The following FAM118B variants were observed in gnomAD, a reference collection of about 807,000 sequenced individuals.
FAM118B encodes the protein SIR2 antiphage like 1, also known as protein FAM118B.
A neutral mutation model predicts 38.5 loss-of-function variants in FAM118B; 24 were observed. That is an observed-to-expected ratio of 0.62 (90% CI 0.45 to 0.88). The LOEUF (loss-of-function observed/expected upper bound fraction) is 0.88. FAM118B is among the 40% of genes least tolerant of loss of function. The probability of loss-of-function intolerance (pLI) is 0.00; values close to 1 mark genes in which losing one functional copy is unlikely to be tolerated. For missense variants in FAM118B, 334 were observed against 420.0 expected (o/e 0.80, Z 1.79); for synonymous variants, 138 against 156.3 (o/e 0.88, Z 0.87).
intron 2 of FAM118B, among the ~76,000 whole-genome samples, chr11:126,232,667 A>G (rs1475772775): frequency 6.6e-6 from 1 of 151,746 alleles, no homozygotes; most frequent in Non-Finnish European, 1.5e-5. Context: ...AACTTAAAAA[A>G]TATATTTTTT....
Position 126,250,480 on chromosome 11 carries a change from T to C in FAM118B, c.340-26T>C. On this transcript the variant is annotated intron_variant, in intron 4 of 8. Coordinates refer to ENST00000533050, the MANE Select transcript of FAM118B (RefSeq NM_024556.4). The surrounding 1 kb of genome is among the most constrained non-coding windows in gnomAD (Gnocchi z 5.1). Reference sequence around the variant, plus strand: ...GACCTACCAAAGCACTTTGGACTAATTTTCTTTTTTCAAATCCCTCCTCAG... The same window carrying C: ...GACCTACCAAAGCACTTTGGACTAACTTTCTTTTTTCAAATCCCTCCTCAG... The C allele has an allele frequency of 6.5e-7, 1 of 1,543,040 alleles. No individual in the cohort carries two copies. Among genetic ancestry groups the C allele is most frequent in the Admixed American group, 1.7e-5 (1 of 58,908 alleles).
rs1430350049 is a variant in FAM118B, at chr11:126,255,967, A to G, written c.697-600A>G. ...CAAGACTCTGTCTCAAAAATAAAATAAAAATAAAAAAGTAAACTACTGGCC... is the reference window on the plus strand; with the variant it reads ...CAAGACTCTGTCTCAAAAATAAAATGAAAATAAAAAAGTAAACTACTGGCC... On this transcript the variant is annotated intron_variant, in intron 6 of 8. Coordinates refer to ENST00000533050, the MANE Select transcript of FAM118B (RefSeq NM_024556.4). This position sits in a 1 kb window ranked among gnomAD's most constrained non-coding sequence, Gnocchi z 4.6. 2.0e-5 allele frequency among the ~76,000 whole-genome samples: 3 copies of G among 151,934 alleles called. No homozygotes were observed. The highest frequency in any genetic ancestry group is 4.4e-5 in the Non-Finnish European group (3 of 68,012).
intron 3 of FAM118B, among the ~76,000 whole-genome samples, chr11:126,235,946 C>CT (rs1371018851): frequency 2.0e-5 from 3 of 151,384 alleles, no homozygotes; most frequent in African/African-American, 4.9e-5. Flanking sequence ...TAAAGACTGT[C>CT]TTTTTTGTTT....
At chr11:126,220,960 G>A (rs1251703424) in intron 1 of FAM118B, among the ~76,000 whole-genome samples, 1 of 152,180 alleles carries the variant, frequency 6.6e-6, no homozygotes, top group Non-Finnish European at 1.5e-5. Flanking sequence ...GCCAAGGCAT[G>A]TGGATCGCTT....
Position 126,235,061 on chromosome 11 carries a change from T to C in FAM118B, c.60T>C (p.Asp20=). Reference sequence around the variant, plus strand: ...ACGAGATTTTTGGATTCTTCAACGATGGCGAACCTCCCACCAAAAAGCCCA... The same window carrying C: ...ACGAGATTTTTGGATTCTTCAACGACGGCGAACCTCCCACCAAAAAGCCCA... ...DIDEIFGFFN[D]GEPPTKKPRK... is the part of the protein sequence containing the mutation. Residue 20 remains aspartate, a synonymous_variant, in exon 3 of 9, where the codon GAT becomes GAC. Coordinates refer to ENST00000533050, the MANE Select transcript of FAM118B (RefSeq NM_024556.4). The C allele has an allele frequency of 6.2e-7, 1 of 1,614,104 alleles. No homozygotes were observed. Among genetic ancestry groups the C allele is most frequent in the Non-Finnish European group, 8.5e-7 (1 of 1,179,998 alleles).
At chr11:126,245,103 G>C (rs1164435993) in intron 4 of FAM118B, 2 of 151,656 alleles carry the variant, frequency 1.3e-5, no homozygotes, top group African/African-American at 4.8e-5. Flanking sequence ...ATTGCTGGAG[G>C]GCTTGAGCCC....
rs540758915 is a variant in FAM118B, at chr11:126,256,943, A to C, written c.982+91A>C. 134 of 1,325,116 alleles carry C rather than the reference A, an allele frequency of 1.0e-4. No individual in the cohort carries two copies. In the African/African-American group the frequency reaches 1.9e-3, roughly 18 times the overall value. The allele number at this position is 1,325,116 out of a possible 1,614,324, so 82.1% of individuals were successfully genotyped here. ...TGATGTGATGGGCAAAATAGTTGCC[A>C]AGATGAGGAATGTAATGACTGACCA... On this transcript the variant is annotated intron_variant, in intron 7 of 8. Coordinates refer to ENST00000533050, the MANE Select transcript of FAM118B (RefSeq NM_024556.4). This position sits in a 1 kb window ranked among gnomAD's most constrained non-coding sequence, Gnocchi z 6.6.
At position 126,211,800 on chromosome 11, in the gene FAM118B, A is replaced by C. The variant is rs1949881333; in HGVS notation, c.-107A>C. The C allele has an allele frequency of 1.4e-6, 1 of 729,782 alleles. No individual in the cohort carries two copies. Among genetic ancestry groups the C allele is most frequent in the Admixed American group, 2.9e-5 (1 of 34,392 alleles). 45.2% of individuals were successfully genotyped at this position (729,782 alleles called of 1,614,324 possible). Reference sequence around the variant, plus strand: ...TGCGGCTGCGCCGGCCGGTAGCTGCAGCTGGAGCAGTGGCGTTTGGAGGAG... The same window carrying C: ...TGCGGCTGCGCCGGCCGGTAGCTGCCGCTGGAGCAGTGGCGTTTGGAGGAG... On this transcript the variant is annotated 5_prime_UTR_variant, in exon 1 of 9. Transcript: ENST00000533050.
At chr11:126,218,373 A>G (rs755046442) in intron 1 of FAM118B, among the ~76,000 whole-genome samples, 9 of 152,188 alleles carry the variant, frequency 5.9e-5, no homozygotes, top group Admixed American at 6.5e-5. Context: ...ATGTCACCTC[A>G]GTGAAGAGAG....
intron 2 of FAM118B, among the ~76,000 whole-genome samples, chr11:126,229,960 C>T (rs1347323644): frequency 6.6e-6 from 1 of 152,174 alleles, no homozygotes; most frequent in Admixed American, 6.5e-5. Context: ...CTCAGTGACT[C>T]TGTTAAAGCA....
At chr11:126,220,365 T>C (rs556939044) in intron 1 of FAM118B, among the ~76,000 whole-genome samples, 2 of 152,074 alleles carry the variant, frequency 1.3e-5, no homozygotes, top group Admixed American at 1.3e-4. Context: ...TTTCTCTCTC[T>C]CTCTTTTTTT....
intron 7 of FAM118B, 54 bp from the exon 8 acceptor site, chr11:126,261,371 A>G: frequency 6.8e-7 from 1 of 1,476,516 alleles, no homozygotes; most frequent in East Asian, 2.3e-5. Flanking sequence ...TCTTTTTGCT[A>G]TTAATAGTTT....
chr11:126,246,677 A>G (rs1232212285), intron 4 of FAM118B, among the ~76,000 whole-genome samples: 1 of 152,064 alleles, frequency 6.6e-6, no homozygotes, highest in Non-Finnish European at 1.5e-5. Flanking sequence ...CCTGGGCTCA[A>G]GTGATCTTCC....
In FAM118B at chr11:126,220,995, T is replaced by G. The variant is rs181065879; in HGVS notation, c.-76-8230T>G. On this transcript the variant is annotated intron_variant, in intron 1 of 8. Transcript: ENST00000533050. ...TGAGGCCAGGAGTTTGAAACCAGCC[T>G]GGCCAACATAGTGAAACCCTGTCTT... is the stretch of plus-strand genomic sequence containing the variant. Among the ~76,000 whole-genome samples the G allele has an allele frequency of 4.8e-4, 73 of 152,246 alleles. 2 individuals carry two copies. In the East Asian group the frequency reaches 0.014, roughly 30 times the overall value.
In FAM118B at chr11:126,241,687, T is replaced by G. The variant is rs1472196459; in HGVS notation, c.339+643T>G. ...GTCTCAGCCTCCTGAGTAGGTGGGA[T>G]TACAGGCATGTGCCACCATGCCCAG... On this transcript the variant is annotated intron_variant, in intron 4 of 8. Transcript: ENST00000533050. 3.9e-5 allele frequency among the ~76,000 whole-genome samples: 6 copies of G among 152,118 alleles called. No individual in the cohort carries two copies. The East Asian group carries it at 1.2e-3, about 30-fold the overall frequency.
intron 1 of FAM118B, among the ~76,000 whole-genome samples, chr11:126,220,399 C>T (rs143999710): frequency 9.2e-5 from 14 of 151,962 alleles, no homozygotes; most frequent in African/African-American, 2.9e-4. Context: ...ATTGTTTTCA[C>T]TGGCCACTTT....
chr11:126,221,456 C>T (rs1950061367), intron 1 of FAM118B, among the ~76,000 whole-genome samples: 1 of 152,008 alleles, frequency 6.6e-6, no homozygotes, highest in African/African-American at 2.4e-5. Context: ...TTCTACTATT[C>T]AGAGATCTGT....
intron 1 of FAM118B, among the ~76,000 whole-genome samples, chr11:126,219,711 G>T (rs950427638): frequency 6.6e-6 from 1 of 152,074 alleles, no homozygotes; most frequent in Non-Finnish European, 1.5e-5. Flanking sequence ...CGTCCATGGG[G>T]CTGGGGCGTG....
At position 126,256,638 on chromosome 11, in the gene FAM118B, C is replaced by T; in HGVS notation, c.768C>T (p.Thr256=). The change falls in exon 7 of 9, where the codon ACC becomes ACT. Residue 256 remains threonine (T), a synonymous_variant. Coordinates refer to ENST00000533050, the MANE Select transcript of FAM118B (RefSeq NM_024556.4). This position sits in a 1 kb window ranked among gnomAD's most constrained non-coding sequence, Gnocchi z 6.6. ...FLGCGWTVDD[T]TFQALFLEAV... ...GCTGTGGCTGGACTGTGGATGACAC[C>T]ACTTTCCAGGCCCTTTTCTTGGAGG... is the stretch of plus-strand genomic sequence containing the variant. 8 of 1,614,156 alleles carry T rather than the reference C, an allele frequency of 5.0e-6. No homozygotes were observed. The South Asian group carries it at 7.7e-5, about 16-fold the overall frequency.
Sources: allele counts gnomAD v4.1 joint callset (sites outside exome capture counted in the v4.1 genomes callset), GRCh38; gene constraint gnomAD v4.1.1; non-coding constraint Gnocchi (gnomAD v3.1); transcripts MANE v1.5; gene names NCBI Gene and HGNC (gene_info 2026-07-23, HGNC 2026-07-21).